NEB: variants seen among roughly 807,000 people sequenced by gnomAD.
The protein encoded by NEB is nemaline myopathy type 2.
In NEB, 512 loss-of-function variants were observed where a neutral mutation model predicts 952.2. The observed-to-expected ratio is 0.54, with a 90% CI of 0.50 to 0.58. NEB has a LOEUF of 0.58. NEB is among the 20% of genes least tolerant of loss of function. The probability of loss-of-function intolerance (pLI) is 0.00; values close to 1 mark genes in which losing one functional copy is unlikely to be tolerated. For missense variants in NEB, 8,428 were observed against 9,231.1 expected (o/e 0.91, Z 3.56); for synonymous variants, 2,900 against 3,149.8 (o/e 0.92, Z 2.66).
chr2:151,713,771 C>A (rs1334569918), intron 10 of NEB, among the ~76,000 whole-genome samples: 1 of 152,106 alleles, frequency 6.6e-6, no homozygotes, highest in Non-Finnish European at 1.5e-5. Context: ...GTTAGAGCTA[C>A]AAAATACAGC....
chr2:151,733,244 T>C, intron 2 of NEB, 59 bp from the exon 3 acceptor site: 5 of 1,149,200 alleles, frequency 4.4e-6, no homozygotes. Flanking sequence ...ACAGAAATTA[T>C]CTTATGACAT....
In NEB at chr2:151,506,184, T is replaced by C; in HGVS notation, c.23631A>G (p.Thr7877=). Residue 7877 remains threonine (T), a synonymous_variant, in exon 164 of 182, where the codon ACA becomes ACG. Coordinates refer to ENST00000397345, the MANE Select transcript of NEB (RefSeq NM_001164508.2). ...KTPEMMRVKQ[T]QDHISSVKYK... ...TCTTTACCGAGCTAATGTGGTCCTGTGTTTGTTTCACTCTCATCATCTCAG... is the reference window on the plus strand; with the variant it reads ...TCTTTACCGAGCTAATGTGGTCCTGCGTTTGTTTCACTCTCATCATCTCAG... 6.2e-7 allele frequency: 1 copy of C among 1,612,790 alleles called. No individual in the cohort carries two copies. Among genetic ancestry groups the C allele is most frequent in the Non-Finnish European group, 8.5e-7 (1 of 1,178,748 alleles).
At position 151,665,470 on chromosome 2, in the gene NEB, C is replaced by T; in HGVS notation, c.5101G>A (p.Val1701Met). 6.2e-7 allele frequency: 1 copy of T among 1,613,160 alleles called. No individual in the cohort carries two copies. The highest frequency in any genetic ancestry group is 8.5e-7 in the Non-Finnish European group (1 of 1,179,636). The change falls in exon 42 of 182, where the codon GTG (valine) becomes ATG (methionine). Residue 1701 changes from valine (V) to methionine (M), a missense_variant. Val to Met is a conservative substitution (Grantham distance 21). Around this residue, in one of 11 missense-constraint regions of NEB, gnomAD observed 2,851 missense variants for 2,791.5 expected, o/e 1.02. Coordinates refer to ENST00000397345, the MANE Select transcript of NEB (RefSeq NM_001164508.2). ...IGWVPIESLEVEKAKKAGEIL... is the reference protein window; with the variant it reads ...IGWVPIESLEMEKAKKAGEIL... The stretch of plus-strand genomic sequence containing the variant: ...TCTCCTGCTTTCTTTGCCTTCTCCA[C>T]CTCCAGGGACTCTATGGGCACCCAG...
chr2:151,696,609 G>A (rs748559932), intron 17 of NEB, 28 bp downstream of exon 17: 1 of 1,513,460 alleles, frequency 6.6e-7, no homozygotes, highest in Non-Finnish European at 9.2e-7. Flanking sequence ...CTCATAATTG[G>A]GTGTCCTGAG....
chr2:151,610,713 A>T, intron 79 of NEB, 49 bp downstream of exon 79: 1 of 1,584,882 alleles, frequency 6.3e-7, no homozygotes, highest in South Asian at 1.1e-5. Context: ...CGGTGGAAAA[A>T]GCATTTTAAT....
intron 37 of NEB, among the ~76,000 whole-genome samples, chr2:151,671,621 A>C (rs2154191732): frequency 6.6e-6 from 1 of 152,352 alleles, no homozygotes. Flanking sequence ...AGGGGAATCC[A>C]GGTCACTATG....
At chr2:151,696,181 T>C (rs897928114) in intron 17 of NEB, among the ~76,000 whole-genome samples, 2 of 152,210 alleles carry the variant, frequency 1.3e-5, no homozygotes, top group African/African-American at 4.8e-5. Context: ...TCTCAGAGAT[T>C]CCAATTTCCA....
chr2:151,696,331 A>C (rs1272209319), intron 17 of NEB, among the ~76,000 whole-genome samples: 1 of 152,174 alleles, frequency 6.6e-6, no homozygotes, highest in African/African-American at 2.4e-5. Context: ...GAGGGGGGTT[A>C]AATCTTTGGC....
chr2:151,671,275 CA>C, intron 37 of NEB, 46 bp from the exon 38 acceptor site: 2 of 1,492,552 alleles, frequency 1.3e-6, no homozygotes, highest in South Asian at 1.2e-5. Flanking sequence ...GGAGAATATT[CA>C]AGGGATGTTT....
At chr2:151,546,848 C>T (rs914515108) in intron 133 of NEB, among the ~76,000 whole-genome samples, 4 of 152,264 alleles carry the variant, frequency 2.6e-5, no homozygotes, top group Admixed American at 6.5e-5. Flanking sequence ...CGTGAGCCAC[C>T]GTGCCCAGCC....
chr2:151,503,505 A>T (rs2066350625), intron 165 of NEB, 64 bp from the exon 166 acceptor site: 1 of 1,077,714 alleles, frequency 9.3e-7, no homozygotes, highest in Admixed American at 1.8e-5. Context: ...GATAGCAGCC[A>T]CATGTGGGCT....
chr2:151,530,202 A>G (rs1212495342), intron 145 of NEB, among the ~76,000 whole-genome samples: 2 of 152,202 alleles, frequency 1.3e-5, no homozygotes, highest in African/African-American at 2.4e-5. Flanking sequence ...TTTTAAAAAT[A>G]TATAGAACTG....
intron 78 of NEB, among the ~76,000 whole-genome samples, chr2:151,611,858 C>A (rs531768201): frequency 6.6e-6 from 1 of 152,156 alleles, no homozygotes; most frequent in Non-Finnish European, 1.5e-5. Context: ...GCTAAAGACA[C>A]GTAAGTGGCC....
intron 153 of NEB, chr2:151,520,037 AAC>A (rs773506178): frequency 0.018 from 3,464 of 192,394 alleles, 37 homozygotes; most frequent in African/African-American, 0.046. Flanking sequence ...TCTAATGCAA[AAC>A]AAAAAAAAAA....
At chr2:151,645,892 T>C (rs2098950932) in intron 55 of NEB, among the ~76,000 whole-genome samples, 3 of 152,196 alleles carry the variant, frequency 2.0e-5, no homozygotes, top group Admixed American at 2.0e-4. Flanking sequence ...CACCTTATGA[T>C]GATATGTATA....
intron 4 of NEB, among the ~76,000 whole-genome samples, chr2:151,728,938 A>G (rs1392516461): frequency 2.0e-5 from 3 of 152,198 alleles, no homozygotes; most frequent in Non-Finnish European, 4.4e-5. Flanking sequence ...GCATCTACAG[A>G]TACTAGTTTT....
At chr2:151,538,670 T>G (rs975998359) in intron 138 of NEB, among the ~76,000 whole-genome samples, 1 of 151,762 alleles carries the variant, frequency 6.6e-6, no homozygotes, top group Non-Finnish European at 1.5e-5. Flanking sequence ...ACAAACAACA[T>G]TGTTGAGCCC....
rs947328041 is a variant in NEB at position 151,667,844 on chromosome 2, G to A, written c.4679C>T (p.Pro1560Leu). The change falls in exon 40 of 182, where the codon CCA (proline) becomes CTA (leucine). Residue 1560 changes from proline (P) to leucine (L), a missense_variant. Around this residue, in one of 11 missense-constraint regions of NEB, gnomAD observed 2,851 missense variants for 2,791.5 expected, o/e 1.02. Transcript: ENST00000397345. ...KGYDLRPDAI[P>L]IVAAKSSRNI... ...CCTTGAACTTTTTGCAGCAACAATT[G>A]GGATGGCATCTGGTCTCAAATCATA... 1 of 1,612,488 alleles carries A rather than the reference G, an allele frequency of 6.2e-7. No homozygotes were observed. The highest frequency in any genetic ancestry group is 1.7e-5 in the Admixed American group (1 of 59,986).
At chr2:151,668,950 T>A (rs1236690259) in intron 39 of NEB, 77 bp downstream of exon 39, 1 of 1,114,320 alleles carries the variant, frequency 9.0e-7, no homozygotes, top group Non-Finnish European at 1.3e-6. Flanking sequence ...CCCCCTACAA[T>A]TCTCAGAGCA....
Sources: gnomAD v4.1 joint callset for allele counts (sites outside exome capture counted in the v4.1 genomes callset) on GRCh38, gnomAD v4.1.1 for gene constraint, gnomAD v4.1.1 regional missense constraint, MANE v1.5 for transcripts, NCBI Gene and HGNC (gene_info 2026-07-23, HGNC 2026-07-21) for gene names.